Variants in NPHP3 observed in about 807,000 individuals in gnomAD.
The protein encoded by NPHP3 is nephrocystin 3.
In NPHP3, 123 loss-of-function variants were observed where a neutral mutation model predicts 171.9. The observed-to-expected ratio is 0.72, with a 90% CI of 0.62 to 0.83. The LOEUF is 0.83. NPHP3 is among the 40% of genes least tolerant of loss of function. The probability of loss-of-function intolerance (pLI) is 0.00; values close to 1 mark genes in which losing one functional copy is unlikely to be tolerated. For synonymous variants in NPHP3, 558 were observed against 579.2 expected, an observed-to-expected ratio of 0.96 and a Z score of 0.52; for missense variants, 1,506 against 1,591.9, an observed-to-expected ratio of 0.95 and a Z score of 0.92.
rs34391943 is a variant in NPHP3 at position 132,684,574 on chromosome 3, C to T, written c.3550G>A (p.Ala1184Thr). The change falls in exon 24 of 27, where the codon GCC becomes ACC. Residue 1184 changes from alanine to threonine, a missense_variant. Transcript: ENST00000337331. ...PSLAYTVKHL[A>T]ILYKKMGKLD... ...CTTACCATTTTCTTATACAAGATGG[C>T]AAGATGCTTCACCGTATATGCCAAA... The T allele has an allele frequency of 8.8e-3, 14,148 of 1,613,890 alleles. 99 individuals carry two copies. Among genetic ancestry groups the T allele is most frequent in the South Asian group, 0.01 (942 of 91,078 alleles).
intron 17 of NPHP3, among the ~76,000 whole-genome samples, chr3:132,691,971 T>G (rs566897846): frequency 1.3e-5 from 2 of 152,314 alleles, no homozygotes; most frequent in East Asian, 3.9e-4. Flanking sequence ...TAACAATGTT[T>G]TGGTCAACAA....
Position 132,716,147 on chromosome 3 carries a change from G to A in NPHP3, c.823+610C>T, listed in dbSNP as rs774093836. Reference sequence around the variant, plus strand: ...AAAGACAATTCTTCTTTCAATGTGGGCCAGGGAAGCTAAAAGATTGGATAC... The same window carrying A: ...AAAGACAATTCTTCTTTCAATGTGGACCAGGGAAGCTAAAAGATTGGATAC... On this transcript the variant is annotated intron_variant, in intron 4 of 26. Transcript: ENST00000337331. Among the ~76,000 whole-genome samples, 44 of 152,064 alleles carry A rather than the reference G, an allele frequency of 2.9e-4. 1 individual carries two copies. The highest frequency in any genetic ancestry group is 3.1e-4 in the Non-Finnish European group (21 of 68,016).
chr3:132,708,362 G>T, intron 6 of NPHP3, 105 bp from the exon 7 acceptor site: 1 of 1,087,854 alleles, frequency 9.2e-7, no homozygotes, highest in Admixed American at 1.7e-5. Context: ...AGTGACAAGT[G>T]GCCAGAAAAG....
At chr3:132,696,349 C>T (rs1362823613) in intron 15 of NPHP3, among the ~76,000 whole-genome samples, 1 of 152,096 alleles carries the variant, frequency 6.6e-6, no homozygotes, top group Non-Finnish European at 1.5e-5. Context: ...GACTTGAGAA[C>T]AGAGACAATT....
At chr3:132,696,565 G>A (rs915840989) in intron 15 of NPHP3, among the ~76,000 whole-genome samples, 166 bp downstream of exon 15, 1 of 152,126 alleles carries the variant, frequency 6.6e-6, no homozygotes, top group East Asian at 1.9e-4. Context: ...ATGGACAGTA[G>A]GCACCTGTAA....
intron 7 of NPHP3, 119 bp from the exon 8 acceptor site, chr3:132,705,933 C>A: frequency 1.6e-6 from 1 of 606,358 alleles, no homozygotes; most frequent in Non-Finnish European, 3.0e-6. Flanking sequence ...CACATATTAG[C>A]TAATTTATCT....
At chr3:132,697,110 AG>A in intron 14 of NPHP3, 149 bp downstream of exon 14, 3 of 691,190 alleles carry the variant, frequency 4.3e-6, no homozygotes, top group Non-Finnish European at 7.6e-6. Context: ...ACCTGTCATT[AG>A]TTTAAGAGGC....
chr3:132,684,850 C>G, intron 23 of NPHP3, 56 bp from the exon 24 acceptor site: 1 of 1,594,204 alleles, frequency 6.3e-7, no homozygotes, highest in Non-Finnish European at 8.5e-7. Context: ...GTTTGGAATC[C>G]TGACCCCTAA....
chr3:132,695,194 T>C, intron 15 of NPHP3: 1 of 489,324 alleles, frequency 2.0e-6, no homozygotes, highest in Non-Finnish European at 3.7e-6. Context: ...AATCTATTAT[T>C]TGTTAAGCAA....
chr3:132,722,062 G>C lies in NPHP3; in HGVS notation c.294C>G (p.Tyr98Ter), dbSNP rs1940244600. ...AAEYERLRKEYEIFRVSKNQE... is the reference protein window; with the variant it reads ...AAEYERLRKE Reference sequence around the variant, plus strand: ...GGTTCTTGCTGACGCGAAAGATCTCGTACTCCTTCCTGAGCCGCTCGTACT... The same window carrying C: ...GGTTCTTGCTGACGCGAAAGATCTCCTACTCCTTCCTGAGCCGCTCGTACT... Residue 98 changes from tyrosine (Y) to a stop codon, truncating the protein, a stop_gained, in exon 1 of 27, where the codon TAC (tyrosine) becomes TAG (stop). Transcript: ENST00000337331. LOFTEE classifies it high-confidence loss of function. The C allele has an allele frequency of 6.2e-7, 1 of 1,612,738 alleles. No individual in the cohort carries two copies. The highest frequency in any genetic ancestry group is 8.5e-7 in the Non-Finnish European group (1 of 1,179,880).
Position 132,684,750 on chromosome 3 carries a change from C to T in NPHP3, c.3374G>A (p.Arg1125Gln), listed in dbSNP as rs767752387. The T allele has an allele frequency of 9.9e-6, 16 of 1,613,916 alleles. No homozygotes were observed. The highest frequency in any genetic ancestry group is 1.6e-4 in the Middle Eastern group (1 of 6,062). Residue 1125 changes from arginine to glutamine, a missense_variant, in exon 24 of 27, where the codon CGA (arginine) becomes CAA (glutamine). By Grantham distance (43) the Arg-to-Gln change is conservative. This residue lies in a region of NPHP3 where 569 missense variants were observed against 648.1 expected (regional missense o/e 0.88). Transcript: ENST00000337331. ...FLKRSLEMRE[R>Q]VLGPDHPDCA... ...GTCAGGGTGATCTGGTCCTAGAACTCGCTCCCTCATTTCTAAGGAACGCTT... is the reference window on the plus strand; with the variant it reads ...GTCAGGGTGATCTGGTCCTAGAACTTGCTCCCTCATTTCTAAGGAACGCTT...
intron 3 of NPHP3, among the ~76,000 whole-genome samples, chr3:132,717,752 C>CTTTTTTTTTT (rs959757847): frequency 8.6e-5 from 7 of 81,260 alleles, no homozygotes; most frequent in Admixed American, 1.6e-4. Flanking sequence ...CATTAAGAAT[C>CTTTTTTTTTT]TTTTTTTTTT....
At position 132,722,376 on chromosome 3, in the gene NPHP3, C is replaced by T; in HGVS notation, c.-21G>A. On this transcript the variant is annotated 5_prime_UTR_variant, in exon 1 of 27. Transcript: ENST00000337331. ...CCCATGGCGTCCGTTGCCGCTACTA[C>T]CTAGTGAGTACCAGCAGGACTGGGC... 1 of 1,573,908 alleles carries T rather than the reference C, an allele frequency of 6.4e-7. No homozygotes were observed. The highest frequency in any genetic ancestry group is 8.5e-7 in the Non-Finnish European group (1 of 1,169,718).
chr3:132,718,236 C>A, intron 3 of NPHP3: 1 of 277,386 alleles, frequency 3.6e-6, no homozygotes, highest in Non-Finnish European at 7.0e-6. Context: ...TTTTCCACTG[C>A]ATTTTAAAAT....
chr3:132,697,418 T>G, intron 13 of NPHP3, 56 bp from the exon 14 acceptor site: 3 of 1,126,308 alleles, frequency 2.7e-6, no homozygotes, highest in Non-Finnish European at 4.0e-6. Flanking sequence ...GAACTGTAAT[T>G]ACCCATAACA....
At chr3:132,709,815 C>A (rs1576680083) in intron 6 of NPHP3, among the ~76,000 whole-genome samples, 1 of 152,150 alleles carries the variant, frequency 6.6e-6, no homozygotes, top group Non-Finnish European at 1.5e-5. Flanking sequence ...ATCCATTCTA[C>A]CCAAACCACA....
intron 17 of NPHP3, 64 bp downstream of exon 17, chr3:132,692,590 T>C (rs1939327720): frequency 7.0e-7 from 1 of 1,434,988 alleles, no homozygotes; most frequent in Non-Finnish European, 9.8e-7. Flanking sequence ...CACTCCAGCC[T>C]GGGTGACAGA....
At chr3:132,699,820 T>C in intron 12 of NPHP3, 98 bp downstream of exon 12, 1 of 1,321,768 alleles carries the variant, frequency 7.6e-7, no homozygotes, top group Non-Finnish European at 1.1e-6. Context: ...AATAACATCA[T>C]ATTTTCTTCT....
intron 3 of NPHP3, 31 bp downstream of exon 3, chr3:132,718,963 A>G (rs1453021707): frequency 1.2e-6 from 2 of 1,612,534 alleles, no homozygotes; most frequent in African/African-American, 2.7e-5. Context: ...CCATGTTGAA[A>G]GCTCAAAATA....
Sources: allele counts gnomAD v4.1 joint callset (sites outside exome capture counted in the v4.1 genomes callset), GRCh38; gene constraint gnomAD v4.1.1; regional missense constraint gnomAD v4.1.1; transcripts MANE v1.5; gene names NCBI Gene and HGNC (gene_info 2026-07-23, HGNC 2026-07-21).